Variants in THRB observed in about 807,000 individuals in gnomAD.
THRB encodes the protein nuclear receptor subfamily 1 group A member 2.
THRB carries 12 observed loss-of-function variants against 47.8 expected under a neutral mutation model. The ratio of observed to expected loss-of-function variants is 0.25; its 90% confidence interval spans 0.16 to 0.41. The LOEUF (loss-of-function observed/expected upper bound fraction) is 0.41, where lower values mean the gene tolerates loss of function less well. Ranked by LOEUF, THRB falls within the 10% of genes least tolerant of loss-of-function variation. The pLI is 1.00. For synonymous variants in THRB, 218 were observed against 212.2 expected, an observed-to-expected ratio of 1.03 and a Z score of -0.24; for missense variants, 348 against 589.2, an observed-to-expected ratio of 0.59 and a Z score of 4.24.
chr3:24,228,858 A>T (rs1013338047), intron 4 of THRB, 80 bp downstream of exon 4: 21 of 1,346,560 alleles, frequency 1.6e-5, no homozygotes, highest in Non-Finnish European at 2.1e-5. Flanking sequence ...CTCGCAAGTT[A>T]ATCTTTAAGA....
intron 3 of THRB, among the ~76,000 whole-genome samples, chr3:24,291,575 T>C (rs906544020): frequency 6.6e-6 from 1 of 152,226 alleles, no homozygotes; most frequent in African/African-American, 2.4e-5. Flanking sequence ...TAATGCAATG[T>C]AAATGCTATG....
intron 1 of THRB, among the ~76,000 whole-genome samples, chr3:24,368,007 T>G (rs899389768): frequency 6.6e-6 from 1 of 152,110 alleles, no homozygotes; most frequent in Non-Finnish European, 1.5e-5. Flanking sequence ...ACAAAAACAG[T>G]TGGAGAGCCA....
intron 3 of THRB, among the ~76,000 whole-genome samples, chr3:24,267,896 A>G (rs1454566920): frequency 6.6e-6 from 1 of 152,216 alleles, no homozygotes; most frequent in Non-Finnish European, 1.5e-5. Flanking sequence ...CTTATCATGA[A>G]TTAACAAACA....
chr3:24,464,364 T>C (rs2073964109), intron 1 of THRB, among the ~76,000 whole-genome samples: 1 of 152,032 alleles, frequency 6.6e-6, no homozygotes, highest in Non-Finnish European at 1.5e-5. Context: ...TTAGCCCAAA[T>C]AATCAATGGT....
intron 1 of THRB, among the ~76,000 whole-genome samples, chr3:24,493,919 G>A (rs758630580): frequency 3.0e-4 from 46 of 152,206 alleles, no homozygotes; most frequent in Non-Finnish European, 5.7e-4. Context: ...TCCCCCAAAT[G>A]AGTCCTTCTC....
At chr3:24,456,512 C>T (rs1410101813) in intron 1 of THRB, among the ~76,000 whole-genome samples, 1 of 151,590 alleles carries the variant, frequency 6.6e-6, no homozygotes, top group Non-Finnish European at 1.5e-5. Flanking sequence ...ATATGTTTAA[C>T]CATCTTCCTA....
intron 4 of THRB, among the ~76,000 whole-genome samples, chr3:24,227,633 T>C (rs1203081381): frequency 6.6e-6 from 1 of 152,198 alleles, no homozygotes; most frequent in Non-Finnish European, 1.5e-5. Flanking sequence ...TTAAAGTTTA[T>C]GGTCATTGGG....
intron 3 of THRB, among the ~76,000 whole-genome samples, chr3:24,288,073 G>A (rs1031024518): frequency 7.2e-5 from 11 of 152,212 alleles, no homozygotes; most frequent in Admixed American, 1.3e-4. Context: ...CACCTGATAC[G>A]TGACTTCCTC....
chr3:24,345,084 G>A (rs149861078), intron 1 of THRB, among the ~76,000 whole-genome samples: 108 of 152,208 alleles, frequency 7.1e-4, no homozygotes, highest in African/African-American at 2.6e-3. Context: ...AAACTGAAAG[G>A]CAGAGATCAA....
At chr3:24,137,755 G>A (rs1412846445) in intron 8 of THRB, among the ~76,000 whole-genome samples, 1 of 152,158 alleles carries the variant, frequency 6.6e-6, no homozygotes, top group Non-Finnish European at 1.5e-5. Context: ...TGTAAACAGG[G>A]CATAGACATG....
At chr3:24,403,389 A>G (rs911940498) in intron 1 of THRB, among the ~76,000 whole-genome samples, 2 of 152,034 alleles carry the variant, frequency 1.3e-5, no homozygotes, top group Non-Finnish European at 2.9e-5. Flanking sequence ...GGAGCAAATA[A>G]GATAAAACGT....
At chr3:24,434,759 G>C (rs2070772251) in intron 1 of THRB, among the ~76,000 whole-genome samples, 1 of 152,108 alleles carries the variant, frequency 6.6e-6, no homozygotes, top group South Asian at 2.1e-4. Context: ...ACATTTTGGG[G>C]AAAAAGAATG....
chr3:24,295,729 T>C (rs2056390915), intron 3 of THRB, among the ~76,000 whole-genome samples: 1 of 152,202 alleles, frequency 6.6e-6, no homozygotes, highest in African/African-American at 2.4e-5. Context: ...TTGGGGTTCC[T>C]GAGGCTTGGG....
At chr3:24,410,237 G>A (rs1475319255) in intron 1 of THRB, among the ~76,000 whole-genome samples, 1 of 151,798 alleles carries the variant, frequency 6.6e-6, no homozygotes, top group Non-Finnish European at 1.5e-5. Context: ...GATTGGATGA[G>A]TATGATCAAA....
chr3:24,327,112 G>C (rs1393722417), intron 2 of THRB, among the ~76,000 whole-genome samples: 2 of 152,118 alleles, frequency 1.3e-5, no homozygotes, highest in Non-Finnish European at 2.9e-5. Flanking sequence ...GCCATTGAGA[G>C]TGTTCATAAA....
chr3:24,461,620 G>A (rs1173682103), intron 1 of THRB, among the ~76,000 whole-genome samples: 3 of 152,152 alleles, frequency 2.0e-5, no homozygotes, highest in South Asian at 2.1e-4. Context: ...TTCTTTAAAA[G>A]TGATCTGATT....
chr3:24,462,829 G>T (rs1444166542), intron 1 of THRB, among the ~76,000 whole-genome samples: 1 of 152,154 alleles, frequency 6.6e-6, no homozygotes, highest in East Asian at 1.9e-4. Flanking sequence ...AGAAGCCTGG[G>T]AAAAATACCC....
intron 3 of THRB, among the ~76,000 whole-genome samples, chr3:24,281,915 G>A (rs1035626260): frequency 1.1e-4 from 17 of 150,184 alleles, no homozygotes; most frequent in African/African-American, 3.9e-4. Flanking sequence ...CCCAATACAG[G>A]AGCACCCAGA....
At chr3:24,342,510 G>A (rs924463093) in intron 1 of THRB, among the ~76,000 whole-genome samples, 13 of 152,150 alleles carry the variant, frequency 8.5e-5, no homozygotes, top group African/African-American at 3.1e-4. Context: ...TGTTGTCAGA[G>A]ATACTGTCTG....
Sources: allele counts gnomAD v4.1 joint callset (sites outside exome capture counted in the v4.1 genomes callset), GRCh38; gene constraint gnomAD v4.1.1; transcripts MANE v1.5; gene names NCBI Gene and HGNC (gene_info 2026-07-23, HGNC 2026-07-21).